The following RHOG variants were observed in gnomAD, a reference collection of about 807,000 sequenced individuals.
The protein encoded by RHOG is ras homolog family member G, also known as rho-related GTP-binding protein RhoG.
RHOG carries 1 observed loss-of-function variant against 12.3 expected under a neutral mutation model. The observed-to-expected ratio is 0.08, with a 90% confidence interval of 0.03 to 0.39. The LOEUF is 0.39. Ranked by LOEUF, RHOG falls within the 10% of genes least tolerant of loss-of-function variation. The pLI is 0.99. For missense variants in RHOG, 114 were observed against 266.2 expected, an observed-to-expected ratio of 0.43 and a Z score of 3.98; for synonymous variants, 129 against 116.0, an observed-to-expected ratio of 1.11 and a Z score of -0.72.
chr11:3,839,769 G>A (rs1173200618), intron 1 of RHOG, among the ~76,000 whole-genome samples: 2 of 152,168 alleles, frequency 1.3e-5, no homozygotes, highest in Non-Finnish European at 2.9e-5. Flanking sequence ...GGGTGGGAGG[G>A]AAGGATACAG....
At chr11:3,834,223 C>G (rs947277306) in intron 1 of RHOG, among the ~76,000 whole-genome samples, 4 of 152,162 alleles carry the variant, frequency 2.6e-5, no homozygotes, top group Non-Finnish European at 5.9e-5. Context: ...GCACCCATGG[C>G]CACCCCTTTT....
At chr11:3,829,060 C>T (rs914827279) in intron 1 of RHOG, among the ~76,000 whole-genome samples, 1 of 151,936 alleles carries the variant, frequency 6.6e-6, no homozygotes, top group Admixed American at 6.6e-5. Flanking sequence ...ACAGCTGTCC[C>T]AGGTCACTCT....
At chr11:3,829,530 C>T (rs1297728226) in intron 1 of RHOG, among the ~76,000 whole-genome samples, 3 of 152,088 alleles carry the variant, frequency 2.0e-5, no homozygotes, top group Non-Finnish European at 2.9e-5. Context: ...GGATTACAGG[C>T]GTGAACCACC....
chr11:3,832,581 A>G (rs1192249785), intron 1 of RHOG, among the ~76,000 whole-genome samples: 1 of 152,200 alleles, frequency 6.6e-6, no homozygotes, highest in African/African-American at 2.4e-5. Flanking sequence ...AGGTGACAGG[A>G]GCAAAGCCTT....
chr11:3,828,401 T>C (rs1029309780), intron 1 of RHOG, among the ~76,000 whole-genome samples, 195 bp from the exon 2 acceptor site: 5 of 152,126 alleles, frequency 3.3e-5, no homozygotes, highest in African/African-American at 1.2e-4. Flanking sequence ...TATAATGTGG[T>C]AGAAAGCACA....
rs973247551 is a variant in RHOG at position 3,840,913 on chromosome 11, G to C, written c.-88C>G. On this transcript the variant is annotated 5_prime_UTR_variant, in exon 1 of 2. Coordinates refer to ENST00000351018, the MANE Select transcript of RHOG (RefSeq NM_001665.4). ...CCTCACCTGGTGCCCTCCCCGAGGCGGGGGAGCTGGGGGCGGCGGCAGCGG... is the reference window on the plus strand; with the variant it reads ...CCTCACCTGGTGCCCTCCCCGAGGCCGGGGAGCTGGGGGCGGCGGCAGCGG... The C allele has an allele frequency of 4.6e-5, 7 of 152,198 alleles. No homozygotes were observed. The highest frequency in any genetic ancestry group is 3.4e-3 in the Middle Eastern group (1 of 292). 9.4% of individuals were successfully genotyped at this position (152,198 alleles called of 1,614,324 possible).
At chr11:3,831,839 G>A (rs993240563) in intron 1 of RHOG, among the ~76,000 whole-genome samples, 3 of 152,176 alleles carry the variant, frequency 2.0e-5, no homozygotes, top group African/African-American at 7.2e-5. Flanking sequence ...CAGTATGACT[G>A]AAAAGCCCAG....
In RHOG at chr11:3,828,856, G is replaced by A. The variant is rs187684968; in HGVS notation, c.-68-650C>T. On this transcript the variant is annotated intron_variant, in intron 1 of 1. Transcript: ENST00000351018. The stretch of plus-strand genomic sequence containing the variant: ...AGGATGGTCTCGATCTCCTGACCTC[G>A]TGATCCGCCCGCCTTGGCCTCCTAA... Among the ~76,000 whole-genome samples the A allele has an allele frequency of 5.5e-4, 83 of 151,916 alleles. No individual in the cohort carries two copies. In the East Asian group the frequency reaches 6.2e-3, roughly 11 times the overall value.
Position 3,827,944 on chromosome 11 carries a change from G to C in RHOG, c.195C>G (p.Asp65Glu). The change falls in exon 2 of 2, where the codon GAC (aspartate) becomes GAG (glutamate). Residue 65 changes from aspartate to glutamate, a missense_variant. This residue lies in a region of RHOG where 53 missense variants were observed against 164.8 expected (regional missense o/e 0.32). Coordinates refer to ENST00000351018, the MANE Select transcript of RHOG (RefSeq NM_001665.4). The surrounding 1 kb of genome is among the most constrained non-coding windows in gnomAD (Gnocchi z 7.3). The stretch of plus-strand genomic sequence containing the variant: ...GAGGGTAGGAGAGTGTACGGAGGCG[G>C]TCATACTCCTCCTGGCCCGCAGTGT... ...LWDTAGQEEY[D>E]RLRTLSYPQT... 1 of 1,614,262 alleles carries C rather than the reference G, an allele frequency of 6.2e-7. No individual in the cohort carries two copies. The highest frequency in any genetic ancestry group is 8.5e-7 in the Non-Finnish European group (1 of 1,180,048).
chr11:3,832,410 G>A (rs1415051764), intron 1 of RHOG, among the ~76,000 whole-genome samples: 1 of 152,196 alleles, frequency 6.6e-6, no homozygotes, highest in Non-Finnish European at 1.5e-5. Context: ...AGCTAACTGT[G>A]TGACCTTGAT....
intron 1 of RHOG, among the ~76,000 whole-genome samples, chr11:3,832,377 C>T (rs998319409): frequency 6.6e-6 from 1 of 152,194 alleles, no homozygotes; most frequent in Non-Finnish European, 1.5e-5. Flanking sequence ...GTGCATCATA[C>T]AGTCTTCAAG....
intron 1 of RHOG, among the ~76,000 whole-genome samples, chr11:3,831,062 C>A (rs1590476324): frequency 6.6e-6 from 1 of 152,188 alleles, no homozygotes; most frequent in African/African-American, 2.4e-5. Flanking sequence ...ATTCCTTATC[C>A]CTGGCTCCAC....
intron 1 of RHOG, among the ~76,000 whole-genome samples, chr11:3,838,641 G>A (rs1226551753): frequency 7.0e-6 from 1 of 143,656 alleles, no homozygotes; most frequent in Non-Finnish European, 1.6e-5. Context: ...GGAGAGGGAC[G>A]ACTGTGACAT....
At chr11:3,834,728 T>C (rs772032764) in intron 1 of RHOG, among the ~76,000 whole-genome samples, 10 of 152,142 alleles carry the variant, frequency 6.6e-5, no homozygotes, top group Non-Finnish European at 1.2e-4. Flanking sequence ...AGCAGCCTGA[T>C]TGCCAGATCT....
rs2090190139 is a variant in RHOG at position 3,840,915 on chromosome 11, G to C, written c.-90C>G. The C allele has an allele frequency of 6.6e-6, 1 of 152,312 alleles. No homozygotes were observed. Among genetic ancestry groups the C allele is most frequent in the South Asian group, 2.1e-4 (1 of 4,836 alleles). The allele number at this position is 152,312 out of a possible 1,614,324, so 9.4% of individuals were successfully genotyped here. The stretch of plus-strand genomic sequence containing the variant: ...TCACCTGGTGCCCTCCCCGAGGCGG[G>C]GGAGCTGGGGGCGGCGGCAGCGGCT... On this transcript the variant is annotated 5_prime_UTR_variant, in exon 1 of 2. Transcript: ENST00000351018.
chr11:3,830,937 ATGGGGGACTCT>A (rs1212525564), intron 1 of RHOG, among the ~76,000 whole-genome samples: 1 of 151,034 alleles, frequency 6.6e-6, no homozygotes, highest in Non-Finnish European at 1.5e-5. Context: ...CCTCTTGGCC[ATGGGGGACTCT>A]TGGTGGTCAA....
intron 1 of RHOG, among the ~76,000 whole-genome samples, chr11:3,836,357 CAAAAAA>C (rs61427960): frequency 2.5e-5 from 3 of 119,592 alleles, no homozygotes; most frequent in Non-Finnish European, 5.2e-5. Context: ...ACTCCATCTC[CAAAAAA>C]AAAAAAAAAA....
At position 3,827,977 on chromosome 11, in the gene RHOG, G is replaced by A. The variant is rs1365368514; in HGVS notation, c.162C>T (p.Asn54=). The change falls in exon 2 of 2, where the codon AAC becomes AAT. Residue 54 remains asparagine, a synonymous_variant. Coordinates refer to ENST00000351018, the MANE Select transcript of RHOG (RefSeq NM_001665.4). The surrounding 1 kb of genome is among the most constrained non-coding windows in gnomAD (Gnocchi z 7.3). The part of the protein sequence containing the change: ...SAVDGRTVNL[N]LWDTAGQEEY... ...CCTCCTGGCCCGCAGTGTCCCACAG[G>A]TTCAGGTTCACTGTGCGCCCGTCAA... The A allele has an allele frequency of 6.2e-7, 1 of 1,614,264 alleles. No homozygotes were observed. Among genetic ancestry groups the A allele is most frequent in the Non-Finnish European group, 8.5e-7 (1 of 1,180,044 alleles).
chr11:3,838,344 G>C (rs1307667563), intron 1 of RHOG, among the ~76,000 whole-genome samples: 1 of 152,248 alleles, frequency 6.6e-6, no homozygotes, highest in African/African-American at 2.4e-5. Flanking sequence ...TCACCTGGGA[G>C]AATCCCTGTC....
Sources: allele counts gnomAD v4.1 joint callset (sites outside exome capture counted in the v4.1 genomes callset), GRCh38; gene constraint gnomAD v4.1.1; regional missense constraint gnomAD v4.1.1; non-coding constraint Gnocchi (gnomAD v3.1); transcripts MANE v1.5; gene names NCBI Gene and HGNC (gene_info 2026-07-23, HGNC 2026-07-21).